Variants in SLC35F3 observed in about 807,000 individuals in gnomAD.
SLC35F3 encodes putative thiamine transporter SLC35F3.
In SLC35F3, 25 loss-of-function variants were observed where a neutral mutation model predicts 49.9. That is an observed-to-expected ratio of 0.50 (90% confidence interval 0.37 to 0.70). The LOEUF (loss-of-function observed/expected upper bound fraction) is 0.70. Ranked by LOEUF, SLC35F3 falls within the 30% of genes least tolerant of loss-of-function variation. The pLI, the probability that SLC35F3 is intolerant of heterozygous loss-of-function variation, is 0.00. For synonymous variants in SLC35F3, 275 were observed against 265.4 expected, an observed-to-expected ratio of 1.04 and a Z score of -0.35; for missense variants, 525 against 639.8, an observed-to-expected ratio of 0.82 and a Z score of 1.94.
At chr1:234,168,259 C>A (rs937421088) in intron 2 of SLC35F3, among the ~76,000 whole-genome samples, 4 of 152,374 alleles carry the variant, frequency 2.6e-5, no homozygotes, top group Admixed American at 2.0e-4. Flanking sequence ...TTTCCTGCCA[C>A]ATGCGTGGCA....
chr1:234,074,573 G>A (rs541786918), intron 2 of SLC35F3, among the ~76,000 whole-genome samples: 16 of 152,292 alleles, frequency 1.1e-4, no homozygotes, highest in African/African-American at 3.8e-4. Flanking sequence ...TGGAGCCCCA[G>A]GGGGCCCAGT....
chr1:233,911,004 G>C (rs532820028), intron 2 of SLC35F3, among the ~76,000 whole-genome samples: 1 of 152,264 alleles, frequency 6.6e-6, no homozygotes, highest in South Asian at 2.1e-4. Context: ...CTGGGTGGAG[G>C]TTTTCTAGTT....
intron 2 of SLC35F3, among the ~76,000 whole-genome samples, chr1:234,037,389 T>G (rs1392428545): frequency 6.6e-6 from 1 of 152,170 alleles, no homozygotes; most frequent in African/African-American, 2.4e-5. Flanking sequence ...TCTGCCCCCA[T>G]GACCCAAACA....
intron 2 of SLC35F3, among the ~76,000 whole-genome samples, chr1:234,085,633 T>TA: frequency 6.6e-6 from 1 of 152,222 alleles, no homozygotes; most frequent in Non-Finnish European, 1.5e-5. Flanking sequence ...ATTTGGGGGA[T>TA]ATAAAGGTCA....
At chr1:233,912,422 A>T (rs1661892566) in intron 2 of SLC35F3, among the ~76,000 whole-genome samples, 1 of 152,198 alleles carries the variant, frequency 6.6e-6, no homozygotes, top group African/African-American at 2.4e-5. Context: ...GGTTGCAGTG[A>T]GCCGAGATCG....
At chr1:234,194,107 T>C (rs919686260) in intron 2 of SLC35F3, among the ~76,000 whole-genome samples, 4 of 149,706 alleles carry the variant, frequency 2.7e-5, no homozygotes, top group African/African-American at 9.7e-5. Flanking sequence ...CATTACTGGG[T>C]ATATACCCAG....
At chr1:234,266,999 G>C (rs1667992330) in intron 3 of SLC35F3, among the ~76,000 whole-genome samples, 4 of 135,494 alleles carry the variant, frequency 3.0e-5, no homozygotes, top group African/African-American at 8.4e-5. Flanking sequence ...AAAGGTCTCT[G>C]GTTTTCCTAG....
chr1:234,193,722 T>C (rs917570494), intron 2 of SLC35F3, among the ~76,000 whole-genome samples: 4 of 152,212 alleles, frequency 2.6e-5, no homozygotes, highest in East Asian at 1.9e-4. Context: ...ATCCAGAATC[T>C]ACAACAAACT....
chr1:234,041,670 A>T (rs1478016388), intron 2 of SLC35F3, among the ~76,000 whole-genome samples: 1 of 152,204 alleles, frequency 6.6e-6, no homozygotes, highest in Non-Finnish European at 1.5e-5. Context: ...TGCACATTTT[A>T]TAACAAAGAT....
At chr1:234,066,830 C>T (rs74147517) in intron 2 of SLC35F3, among the ~76,000 whole-genome samples, 26 of 135,118 alleles carry the variant, frequency 1.9e-4, no homozygotes, top group African/African-American at 7.1e-4. Context: ...CCTCTCTCTC[C>T]CACACACACA....
chr1:234,303,768 G>C (rs1668728432), intron 3 of SLC35F3, among the ~76,000 whole-genome samples: 1 of 152,040 alleles, frequency 6.6e-6, no homozygotes, highest in African/African-American at 2.4e-5. Context: ...GGAGATTTTA[G>C]GTTTTCTCTT....
In SLC35F3 at chr1:233,960,109, G is replaced by T. The variant is rs185928204; in HGVS notation, c.283+54351G>T. ...TTGCAATCTAGATCCCGACCTGTCT[G>T]TCTAGGTGTGGGTTCCATTCTCATA... On this transcript the variant is annotated intron_variant, in intron 2 of 7. Transcript: ENST00000366618. Among the ~76,000 whole-genome samples, 4 of 152,346 alleles carry T rather than the reference G, an allele frequency of 2.6e-5. No homozygotes were observed. The East Asian group carries it at 7.7e-4, about 29-fold the overall frequency.
chr1:234,244,768 C>A lies in SLC35F3; in HGVS notation c.608+13027C>A, dbSNP rs1572112246. On this transcript the variant is annotated intron_variant, in intron 3 of 7. Transcript: ENST00000366618. ...TATACTGGCTAGAATTTCACAAGTT[C>A]CTAAAGCTCACTGAGTCCTGGAAGA... 3.3e-5 allele frequency among the ~76,000 whole-genome samples: 5 copies of A among 152,072 alleles called. No individual in the cohort carries two copies. In the East Asian group the frequency reaches 7.7e-4, roughly 24 times the overall value.
intron 2 of SLC35F3, among the ~76,000 whole-genome samples, chr1:234,193,743 AG>A (rs1179341889): frequency 6.6e-6 from 1 of 152,132 alleles, no homozygotes; most frequent in African/African-American, 2.4e-5. Flanking sequence ...CAAACAAATT[AG>A]CAAGAAAGAA....
At chr1:234,050,342 A>G (rs1236682903) in intron 2 of SLC35F3, among the ~76,000 whole-genome samples, 1 of 152,192 alleles carries the variant, frequency 6.6e-6, no homozygotes, top group Non-Finnish European at 1.5e-5. Flanking sequence ...AACTGGTGTG[A>G]GATGGTATCT....
chr1:233,984,570 T>A (rs1302031820), intron 2 of SLC35F3, among the ~76,000 whole-genome samples: 1 of 152,210 alleles, frequency 6.6e-6, no homozygotes, highest in Non-Finnish European at 1.5e-5. Flanking sequence ...GGCTTACAGG[T>A]CAGAGGTAGA....
intron 3 of SLC35F3, among the ~76,000 whole-genome samples, chr1:234,248,415 G>T (rs77057907): frequency 1.3e-5 from 2 of 152,250 alleles, no homozygotes; most frequent in African/African-American, 4.8e-5. Flanking sequence ...GGGTCAGTTG[G>T]CTGGTGCATT....
intron 2 of SLC35F3, among the ~76,000 whole-genome samples, chr1:233,954,048 C>T (rs1662653900): frequency 6.7e-6 from 1 of 148,480 alleles, no homozygotes; most frequent in South Asian, 2.3e-4. Context: ...GCTCTGTCAT[C>T]CAGGCTGGAG....
chr1:233,964,024 C>G (rs922701678), intron 2 of SLC35F3, among the ~76,000 whole-genome samples: 10 of 152,156 alleles, frequency 6.6e-5, no homozygotes, highest in Admixed American at 3.9e-4. Flanking sequence ...TCAAGTTACT[C>G]TCTATATAAA....
Sources: gnomAD v4.1 joint callset for allele counts (sites outside exome capture counted in the v4.1 genomes callset) on GRCh38, gnomAD v4.1.1 for gene constraint, MANE v1.5 for transcripts, NCBI Gene and HGNC (gene_info 2026-07-23, HGNC 2026-07-21) for gene names.